Variants in CRADD observed in about 807,000 individuals in gnomAD.
The protein encoded by CRADD is CARD and death domain containing adaptor protein, also known as death domain-containing protein CRADD.
A neutral mutation model predicts 15.5 loss-of-function variants in CRADD; 9 were observed. The ratio of observed to expected loss-of-function variants is 0.58; its 90% CI spans 0.35 to 1.01. The LOEUF (loss-of-function observed/expected upper bound fraction) is 1.01, where lower values mean the gene tolerates loss of function less well. Among genes scored for constraint, CRADD ranks in the 50% least tolerant of loss-of-function variants. The pLI, the probability that CRADD is intolerant of heterozygous loss-of-function variation, is 0.02. For missense variants in CRADD, 227 were observed against 250.3 expected, an observed-to-expected ratio of 0.91 and a Z score of 0.63; for synonymous variants, 118 against 107.6, an observed-to-expected ratio of 1.10 and a Z score of -0.60.
At chr12:93,716,283 T>C (rs1278125278) in intron 2 of CRADD, among the ~76,000 whole-genome samples, 1 of 152,206 alleles carries the variant, frequency 6.6e-6, no homozygotes, top group African/African-American at 2.4e-5. Context: ...TGCTATATAC[T>C]CCCTTCCCCT....
chr12:93,724,435 G>C (rs1956318843), intron 2 of CRADD, among the ~76,000 whole-genome samples: 3 of 151,580 alleles, frequency 2.0e-5, no homozygotes, highest in African/African-American at 7.3e-5. Flanking sequence ...GTATCTGCCT[G>C]TCTGTTGCTT....
intron 2 of CRADD, among the ~76,000 whole-genome samples, chr12:93,863,131 A>G (rs1004242901): frequency 3.3e-5 from 5 of 152,098 alleles, no homozygotes; most frequent in African/African-American, 1.2e-4. Flanking sequence ...GCTTGATATC[A>G]TGCTGCATTT....
At chr12:93,880,652 C>T (rs1049916303) in intron 2 of CRADD, among the ~76,000 whole-genome samples, 5 of 151,798 alleles carry the variant, frequency 3.3e-5, no homozygotes, top group Non-Finnish European at 7.4e-5. Flanking sequence ...CCCGGTACAT[C>T]CCAACCCCTA....
At chr12:93,717,187 T>C (rs1462063234) in intron 2 of CRADD, among the ~76,000 whole-genome samples, 1 of 152,242 alleles carries the variant, frequency 6.6e-6, no homozygotes, top group African/African-American at 2.4e-5. Context: ...TGGTGAGATA[T>C]CTGTACAGGT....
chr12:93,701,042 G>A (rs555301784), intron 2 of CRADD, among the ~76,000 whole-genome samples: 1 of 150,420 alleles, frequency 6.6e-6, no homozygotes, highest in Non-Finnish European at 1.5e-5. Flanking sequence ...TCAAATAAAA[G>A]ATGTTGTTTT....
intron 2 of CRADD, among the ~76,000 whole-genome samples, chr12:93,829,392 CGG>C (rs2137027899): frequency 6.6e-6 from 1 of 152,198 alleles, no homozygotes; most frequent in Admixed American, 6.5e-5. Flanking sequence ...TTCCTGGACC[CGG>C]GAGATCAGCT....
chr12:93,857,321 ACCT>A (rs1958283498), intron 2 of CRADD, among the ~76,000 whole-genome samples: 1 of 152,168 alleles, frequency 6.6e-6, no homozygotes, highest in Admixed American at 6.5e-5. Context: ...GTGACGTATA[ACCT>A]CCTACTTGTC....
intron 2 of CRADD, among the ~76,000 whole-genome samples, chr12:93,816,606 G>C (rs1957701279): frequency 6.6e-6 from 1 of 152,128 alleles, no homozygotes; most frequent in Non-Finnish European, 1.5e-5. Context: ...CACATTTAGA[G>C]CACACTTCAA....
intron 2 of CRADD, among the ~76,000 whole-genome samples, chr12:93,797,837 C>T (rs1050091798): frequency 1.3e-5 from 2 of 152,202 alleles, no homozygotes; most frequent in African/African-American, 4.8e-5. Flanking sequence ...CCTTCAGTGT[C>T]TGGCAGGCAA....
At chr12:93,712,495 C>G (rs1956092023) in intron 2 of CRADD, among the ~76,000 whole-genome samples, 1 of 152,024 alleles carries the variant, frequency 6.6e-6, no homozygotes. Context: ...TTGAACAGGC[C>G]AGAAAAAACA....
At chr12:93,760,501 T>G (rs553767093) in intron 2 of CRADD, among the ~76,000 whole-genome samples, 1 of 152,348 alleles carries the variant, frequency 6.6e-6, no homozygotes, top group East Asian at 1.9e-4. Context: ...GTTTTCTGTT[T>G]TTAGAAAATA....
intron 2 of CRADD, chr12:93,708,152 A>T (rs965032235): frequency 2.0e-5 from 3 of 152,248 alleles, no homozygotes; most frequent in African/African-American, 7.2e-5. Flanking sequence ...GGCCCTGGGA[A>T]TACAGAAGAG....
intron 2 of CRADD, among the ~76,000 whole-genome samples, chr12:93,772,939 G>A (rs1240916105): frequency 1.3e-5 from 2 of 152,200 alleles, no homozygotes; most frequent in Non-Finnish European, 2.9e-5. Context: ...GTATAGAGGA[G>A]CTTTGGTAGC....
downstream of CRADD, among the ~76,000 whole-genome samples, chr12:93,855,710 C>A (rs1021299739): frequency 6.6e-6 from 1 of 152,240 alleles, no homozygotes; most frequent in Non-Finnish European, 1.5e-5. Context: ...CACCTATGGT[C>A]ACAGTGAGGA....
At chr12:93,846,558 A>T (rs1359737004) in intron 2 of CRADD, 1 of 151,678 alleles carries the variant, frequency 6.6e-6, no homozygotes, top group Non-Finnish European at 1.5e-5. Context: ...AAGAACAAAA[A>T]CACAATACAA....
intron 2 of CRADD, among the ~76,000 whole-genome samples, chr12:93,760,992 T>C (rs2136950005): frequency 6.6e-6 from 1 of 151,476 alleles, no homozygotes; most frequent in East Asian, 2.0e-4. Flanking sequence ...GCATGTGAGA[T>C]AGGGAGAGGA....
At chr12:93,893,499 GA>G (rs575876673) in intron 2 of CRADD, among the ~76,000 whole-genome samples, 90 of 151,734 alleles carry the variant, frequency 5.9e-4, no homozygotes, top group Non-Finnish European at 1.0e-3. Flanking sequence ...GAAGTCAGAA[GA>G]AAAAAAATAA....
chr12:93,785,650 A>C (rs1437074219), intron 2 of CRADD, among the ~76,000 whole-genome samples: 1 of 152,224 alleles, frequency 6.6e-6, no homozygotes. Context: ...AAGTCTTAGC[A>C]GTTCCAGCAT....
chr12:93,733,862 AG>A (rs1956514428), intron 2 of CRADD, among the ~76,000 whole-genome samples: 1 of 151,694 alleles, frequency 6.6e-6, no homozygotes, highest in Non-Finnish European at 1.5e-5. Flanking sequence ...CAGCCTTCTG[AG>A]AAGCTGTTAC....
Sources: allele counts gnomAD v4.1 joint callset (sites outside exome capture counted in the v4.1 genomes callset), GRCh38; gene constraint gnomAD v4.1.1; transcripts MANE v1.5; gene names NCBI Gene and HGNC (gene_info 2026-07-23, HGNC 2026-07-21).